CCDC192: variants seen among roughly 807,000 people sequenced by gnomAD.
CCDC192 encodes the protein coiled-coil domain-containing protein 192.
At chr5:127,763,189 TCTCACAGACAA>T (rs749669459) in intron 3 of CCDC192, among the ~76,000 whole-genome samples, 2 of 152,124 alleles carry the variant, frequency 1.3e-5, no homozygotes, top group Non-Finnish European at 2.9e-5. Context: ...CCACCAAGGT[TCTCACAGACAA>T]CTCAAGCTCT....
chr5:127,752,834 G>A (rs1326713404), intron 2 of CCDC192, among the ~76,000 whole-genome samples: 1 of 152,154 alleles, frequency 6.6e-6, no homozygotes, highest in Non-Finnish European at 1.5e-5. Context: ...TTTTTAAGCC[G>A]GTTGGAAAAG....
rs536533038 is a variant in CCDC192 at position 127,911,424 on chromosome 5, C to T, written c.536-29758C>T. Among the ~76,000 whole-genome samples, 18 of 152,248 alleles carry T rather than the reference C, an allele frequency of 1.2e-4. 1 individual carries two copies. The South Asian group carries it at 3.3e-3, about 28-fold the overall frequency. On this transcript the variant is annotated intron_variant, in intron 6 of 6. Transcript: ENST00000514853. ...AATCCTCATGGCTCTGGAGACATTA[C>T]CAGTTACTTGTAATACTAATGGACA...
intron 2 of CCDC192, among the ~76,000 whole-genome samples, chr5:127,753,097 T>C (rs1754326120): frequency 6.6e-6 from 1 of 152,168 alleles, no homozygotes; most frequent in South Asian, 2.1e-4. Flanking sequence ...CTGGGAGCTG[T>C]GGACCGGAGC....
At chr5:127,735,737 G>A (rs1356678999) in intron 2 of CCDC192, among the ~76,000 whole-genome samples, 5 of 127,332 alleles carry the variant, frequency 3.9e-5, no homozygotes, top group East Asian at 2.6e-4. Context: ...TTTGTCTGTT[G>A]TTGGTGTATA....
At chr5:127,928,539 A>G (rs954976853) in intron 6 of CCDC192, among the ~76,000 whole-genome samples, 3 of 152,312 alleles carry the variant, frequency 2.0e-5, no homozygotes, top group East Asian at 3.9e-4. Flanking sequence ...TCTTAATCAC[A>G]TCTGCAAAGT....
intron 5 of CCDC192, among the ~76,000 whole-genome samples, chr5:127,802,372 G>C (rs1338888692): frequency 2.0e-5 from 3 of 152,078 alleles, no homozygotes; most frequent in Non-Finnish European, 2.9e-5. Context: ...CTAACCTCCT[G>C]ACCATGGCAT....
At chr5:127,745,220 G>A (rs1158732739) in intron 2 of CCDC192, among the ~76,000 whole-genome samples, 1 of 152,130 alleles carries the variant, frequency 6.6e-6, no homozygotes, top group African/African-American at 2.4e-5. Flanking sequence ...AATCCTTAAG[G>A]GTCAAAGAGT....
chr5:127,808,425 A>G lies in CCDC192; in HGVS notation c.411+10263A>G, dbSNP rs565024455. Reference sequence around the variant, plus strand: ...AAGTAGTCAGATCCATATTGACCCTAAGTGGTTCTTCCAGAGTCAGTTTCA... The same window carrying G: ...AAGTAGTCAGATCCATATTGACCCTGAGTGGTTCTTCCAGAGTCAGTTTCA... On this transcript the variant is annotated intron_variant, in intron 5 of 6. Coordinates refer to ENST00000514853, the MANE Select transcript of CCDC192 (RefSeq NM_001317938.2). 3.9e-5 allele frequency among the ~76,000 whole-genome samples: 6 copies of G among 152,148 alleles called. No individual in the cohort carries two copies. In the South Asian group the frequency reaches 1.2e-3, roughly 32 times the overall value.
chr5:127,784,851 T>G (rs923025476), intron 3 of CCDC192: 7 of 457,334 alleles, frequency 1.5e-5, no homozygotes, highest in Non-Finnish European at 3.0e-5. Flanking sequence ...TTGTTTGTGT[T>G]TTCTTGTTCC....
chr5:127,757,882 G>A (rs565328529), intron 3 of CCDC192, among the ~76,000 whole-genome samples: 8 of 150,350 alleles, frequency 5.3e-5, no homozygotes, highest in African/African-American at 1.2e-4. Context: ...TGCTGTACAC[G>A]TTAAGGCTTT....
chr5:127,883,559 A>G (rs1752436312), intron 6 of CCDC192, among the ~76,000 whole-genome samples: 1 of 152,224 alleles, frequency 6.6e-6, no homozygotes, highest in African/African-American at 2.4e-5. Flanking sequence ...TTTTCCTGAA[A>G]TAGAGCCACT....
intron 5 of CCDC192, among the ~76,000 whole-genome samples, chr5:127,799,348 T>C (rs1164440917): frequency 1.3e-5 from 2 of 152,208 alleles, no homozygotes; most frequent in African/African-American, 4.8e-5. Flanking sequence ...AGAATCTTTT[T>C]TGGGCTTGTA....
intron 2 of CCDC192, among the ~76,000 whole-genome samples, chr5:127,751,541 C>G (rs1439614145): frequency 6.6e-6 from 1 of 152,096 alleles, no homozygotes; most frequent in African/African-American, 2.4e-5. Flanking sequence ...TCTGGCTGCC[C>G]TTAACATTTT....
intron 2 of CCDC192, among the ~76,000 whole-genome samples, chr5:127,739,285 G>A (rs370722914): frequency 2.0e-4 from 30 of 152,280 alleles, no homozygotes; most frequent in South Asian, 1.4e-3. Context: ...CAGTCTGCCC[G>A]TTCTCAGATC....
At chr5:127,874,955 A>C (rs1304116575) in intron 5 of CCDC192, among the ~76,000 whole-genome samples, 1 of 152,186 alleles carries the variant, frequency 6.6e-6, no homozygotes, top group Non-Finnish European at 1.5e-5. Flanking sequence ...TTTTAGAGTA[A>C]GGCATTCCTG....
chr5:127,725,699 T>A (rs1324647351), intron 2 of CCDC192, among the ~76,000 whole-genome samples: 1 of 152,210 alleles, frequency 6.6e-6, no homozygotes, highest in African/African-American at 2.4e-5. Flanking sequence ...TTGCTGTAGC[T>A]CTTTATATTT....
intron 5 of CCDC192, among the ~76,000 whole-genome samples, chr5:127,815,752 C>G (rs1748987777): frequency 6.6e-6 from 1 of 152,014 alleles, no homozygotes; most frequent in South Asian, 2.1e-4. Flanking sequence ...CCTGTAGTCC[C>G]AGCTCCTCAG....
At chr5:127,796,443 T>C (rs1757171311) in intron 3 of CCDC192, among the ~76,000 whole-genome samples, 1 of 152,134 alleles carries the variant, frequency 6.6e-6, no homozygotes, top group African/African-American at 2.4e-5. Flanking sequence ...GCTGTCAGAA[T>C]GAAAGGAGAA....
chr5:127,719,566 TAC>T (rs1491322161), intron 2 of CCDC192, among the ~76,000 whole-genome samples: 451 of 12,918 alleles, frequency 0.035, 30 homozygotes, highest in African/African-American at 0.069. Flanking sequence ...TATACACACA[TAC>T]ATATATATAT....
Sources: gnomAD v4.1 joint callset for allele counts (sites outside exome capture counted in the v4.1 genomes callset) on GRCh38, gnomAD v4.1.1 for gene constraint, MANE v1.5 for transcripts, NCBI Gene and HGNC (gene_info 2026-07-23, HGNC 2026-07-21) for gene names.